INIP: variants seen among roughly 807,000 people sequenced by gnomAD.
INIP encodes SOSS complex subunit C.
A neutral mutation model predicts 14.0 loss-of-function variants in INIP; 9 were observed. The ratio of observed to expected loss-of-function variants is 0.64; its 90% confidence interval spans 0.39 to 1.12. INIP has a LOEUF of 1.12. Among genes scored for constraint, INIP ranks in the 50% most tolerant of loss-of-function variants. INIP has a pLI of 0.01. For missense variants in INIP, 78 were observed against 122.7 expected (o/e 0.64, Z 1.72); for synonymous variants, 37 against 41.5 (o/e 0.89, Z 0.41).
intron 2 of INIP, among the ~76,000 whole-genome samples, chr9:112,707,525 C>T (rs1471218636): frequency 3.3e-5 from 5 of 151,348 alleles, no homozygotes; most frequent in African/African-American, 7.3e-5. Flanking sequence ...TTTTTCCTCC[C>T]GCACATTTCT....
rs1837645620 is a variant in INIP, at chr9:112,685,881, C to G, written c.*1657G>C. ...ATTACAATGGGGACAGTTGCCACCT[C>G]ATCAAAATGAAGGAAATCAGTTCAA... On this transcript the variant is annotated 3_prime_UTR_variant, in exon 5 of 5. Coordinates refer to ENST00000374242, the MANE Select transcript of INIP (RefSeq NM_021218.3). 1 of 152,236 alleles carries G rather than the reference C, an allele frequency of 6.6e-6. No individual in the cohort carries two copies. Among genetic ancestry groups the G allele is most frequent in the East Asian group, 1.9e-4 (1 of 5,186 alleles). The allele number at this position is 152,236 out of a possible 1,614,324, so 9.4% of individuals were successfully genotyped here.
At chr9:112,702,970 A>AT (rs113411131) in intron 2 of INIP, among the ~76,000 whole-genome samples, 28 of 148,678 alleles carry the variant, frequency 1.9e-4, no homozygotes, top group Admixed American at 2.7e-4. Context: ...GTTTGTATGA[A>AT]TTTTTTTTTT....
chr9:112,702,688 C>T (rs1043458754), intron 2 of INIP, among the ~76,000 whole-genome samples: 3 of 152,134 alleles, frequency 2.0e-5, no homozygotes, highest in African/African-American at 7.2e-5. Flanking sequence ...CCTCAGCCTC[C>T]CAAGTAGCTG....
At chr9:112,694,543 T>C (rs1399296116) in intron 2 of INIP, among the ~76,000 whole-genome samples, 1 of 152,204 alleles carries the variant, frequency 6.6e-6, no homozygotes, top group East Asian at 1.9e-4. Context: ...AGGTATAAGT[T>C]ACAGCATTTG....
At chr9:112,690,164 T>C (rs1837829675) in intron 3 of INIP, among the ~76,000 whole-genome samples, 1 of 151,552 alleles carries the variant, frequency 6.6e-6, no homozygotes, top group African/African-American at 2.4e-5. Flanking sequence ...CTCCAAAGAG[T>C]GTTAGGCAGC....
chr9:112,700,856 T>C (rs1033410686), intron 2 of INIP, among the ~76,000 whole-genome samples: 5 of 151,866 alleles, frequency 3.3e-5, no homozygotes, highest in Non-Finnish European at 7.4e-5. Context: ...CAAACTAACA[T>C]TAATATAGTT....
intron 1 of INIP, among the ~76,000 whole-genome samples, chr9:112,717,231 CAT>C: frequency 6.6e-6 from 1 of 152,290 alleles, no homozygotes; most frequent in African/African-American, 2.4e-5. Flanking sequence ...GTCTAAAACA[CAT>C]ACCCAAAAAC....
At chr9:112,716,421 G>A in intron 2 of INIP, 40 bp downstream of exon 2, 1 of 1,561,072 alleles carries the variant, frequency 6.4e-7, no homozygotes, top group Non-Finnish European at 8.8e-7. Flanking sequence ...TTACTATATT[G>A]GGGAAATGTT....
chr9:112,692,426 G>A (rs539637305), intron 3 of INIP, among the ~76,000 whole-genome samples: 19 of 152,056 alleles, frequency 1.2e-4, no homozygotes, highest in Non-Finnish European at 2.5e-4. Context: ...TGGCACTACA[G>A]GCATGCACCA....
At position 112,687,330 on chromosome 9, in the gene INIP, A is replaced by G; in HGVS notation, c.*208T>C. 4.3e-6 allele frequency: 2 copies of G among 461,258 alleles called. No homozygotes were observed. Among genetic ancestry groups the G allele is most frequent in the Admixed American group, 7.1e-5 (2 of 28,296 alleles). The allele number at this position is 461,258 out of a possible 1,614,324, so 28.6% of individuals were successfully genotyped here. On this transcript the variant is annotated 3_prime_UTR_variant, in exon 5 of 5. Transcript: ENST00000374242. ...AAAAAAGTTACAGTCACGGTACATA[A>G]TCAATTCCTTGGACGATACAGCTTC... is the stretch of plus-strand genomic sequence containing the variant.
chr9:112,694,287 C>G (rs1372283885), intron 2 of INIP, 54 bp from the exon 3 acceptor site: 1 of 1,032,234 alleles, frequency 9.7e-7, no homozygotes, highest in Non-Finnish European at 1.5e-6. Flanking sequence ...TAATCAGAAA[C>G]ATTTTAGACC....
chr9:112,706,466 C>G (rs1158146071), intron 2 of INIP, among the ~76,000 whole-genome samples: 1 of 151,846 alleles, frequency 6.6e-6, no homozygotes, highest in African/African-American at 2.4e-5. Flanking sequence ...GTTGCCCAGG[C>G]TCATCTTAAA....
At chr9:112,702,081 TAC>T (rs543325577) in intron 2 of INIP, among the ~76,000 whole-genome samples, 24 of 149,960 alleles carry the variant, frequency 1.6e-4, no homozygotes, top group Admixed American at 4.0e-4. Flanking sequence ...TATATACACA[TAC>T]ACACACACAC....
chr9:112,707,672 C>G (rs1838523895), intron 2 of INIP, among the ~76,000 whole-genome samples: 1 of 152,082 alleles, frequency 6.6e-6, no homozygotes, highest in African/African-American at 2.4e-5. Flanking sequence ...TAAAAAAAAT[C>G]TAAAGCTAAA....
chr9:112,713,557 G>A (rs1402104664), intron 2 of INIP, among the ~76,000 whole-genome samples: 1 of 152,116 alleles, frequency 6.6e-6, no homozygotes, highest in Non-Finnish European at 1.5e-5. Flanking sequence ...GCCAGGCATG[G>A]TGATGCATGC....
intron 2 of INIP, among the ~76,000 whole-genome samples, chr9:112,701,421 T>C (rs1327278487): frequency 6.6e-6 from 1 of 152,260 alleles, no homozygotes; most frequent in African/African-American, 2.4e-5. Context: ...AATCATGCTC[T>C]TACAATGAAT....
At chr9:112,717,119 C>T (rs2131323295) in intron 1 of INIP, among the ~76,000 whole-genome samples, 1 of 152,212 alleles carries the variant, frequency 6.6e-6, no homozygotes, top group Non-Finnish European at 1.5e-5. Context: ...CTTTAATAAA[C>T]GTCATTAGGT....
chr9:112,707,264 C>G (rs985128832), intron 2 of INIP, among the ~76,000 whole-genome samples: 6 of 146,672 alleles, frequency 4.1e-5, no homozygotes, highest in African/African-American at 1.3e-4. Flanking sequence ...TTTTTTAAAC[C>G]AAGCCATGTT....
Position 112,687,480 on chromosome 9 carries a change from T to C in INIP, c.*58A>G, listed in dbSNP as rs1564218413. 9.4e-7 allele frequency: 1 copy of C among 1,062,250 alleles called. No homozygotes were observed. The highest frequency in any genetic ancestry group is 1.3e-5 in the South Asian group (1 of 78,270). 65.8% of individuals were successfully genotyped at this position (1,062,250 alleles called of 1,614,324 possible). ...AAGTCACAGTTCATGTAGCACTGAATGATAGTAGCTTTGGCATTTGATATT... is the reference window on the plus strand; with the variant it reads ...AAGTCACAGTTCATGTAGCACTGAACGATAGTAGCTTTGGCATTTGATATT... On this transcript the variant is annotated 3_prime_UTR_variant, in exon 5 of 5. Coordinates refer to ENST00000374242, the MANE Select transcript of INIP (RefSeq NM_021218.3).
Sources: gnomAD v4.1 joint callset for allele counts (sites outside exome capture counted in the v4.1 genomes callset) on GRCh38, gnomAD v4.1.1 for gene constraint, MANE v1.5 for transcripts, NCBI Gene and HGNC (gene_info 2026-07-23, HGNC 2026-07-21) for gene names.